KLHL1: variants seen among roughly 807,000 people sequenced by gnomAD.
The protein encoded by KLHL1 is kelch like family member 1, also known as kelch-like protein 1.
Under a neutral mutation model 77.7 loss-of-function variants are expected in KLHL1, and 47 were observed. That is an observed-to-expected ratio of 0.60 (90% CI 0.48 to 0.77). The LOEUF (loss-of-function observed/expected upper bound fraction) is 0.77, where lower values mean the gene tolerates loss of function less well. KLHL1 is among the 30% of genes least tolerant of loss of function. The probability of loss-of-function intolerance (pLI) is 0.00; values close to 1 mark genes in which losing one functional copy is unlikely to be tolerated. For missense variants in KLHL1, 925 were observed against 910.8 expected (o/e 1.02, Z -0.20); for synonymous variants, 360 against 325.2 (o/e 1.11, Z -1.15).
intron 7 of KLHL1, among the ~76,000 whole-genome samples, chr13:69,752,975 C>T (rs566186642): frequency 6.6e-6 from 1 of 152,258 alleles, no homozygotes; most frequent in South Asian, 2.1e-4. Flanking sequence ...CTAATGCAGG[C>T]CCATTCTTTT....
At chr13:69,949,880 T>C (rs968475523) in intron 3 of KLHL1, among the ~76,000 whole-genome samples, 2 of 151,822 alleles carry the variant, frequency 1.3e-5, no homozygotes, top group Non-Finnish European at 2.9e-5. Flanking sequence ...GTCAAAATTA[T>C]TCCTTATTGC....
At chr13:70,060,851 G>GAA (rs111883192) in intron 1 of KLHL1, among the ~76,000 whole-genome samples, 88 of 149,366 alleles carry the variant, frequency 5.9e-4, no homozygotes, top group East Asian at 4.4e-3. Flanking sequence ...CGTCTCAAAA[G>GAA]AAAAAAAAAA....
intron 3 of KLHL1, among the ~76,000 whole-genome samples, chr13:69,941,687 GAA>G: frequency 6.6e-6 from 1 of 152,050 alleles, no homozygotes; most frequent in Admixed American, 6.6e-5. Flanking sequence ...CTGGTTCTTT[GAA>G]AAGATAAACA....
At chr13:69,741,325 T>C (rs1014016671) in intron 7 of KLHL1, among the ~76,000 whole-genome samples, 3 of 152,154 alleles carry the variant, frequency 2.0e-5, no homozygotes, top group Admixed American at 1.3e-4. Context: ...ATGTGCTCTT[T>C]AGCTGTACAG....
At chr13:69,896,088 T>C (rs922745451) in intron 4 of KLHL1, among the ~76,000 whole-genome samples, 3 of 152,262 alleles carry the variant, frequency 2.0e-5, no homozygotes, top group Admixed American at 6.5e-5. Flanking sequence ...GTCCCCTTTT[T>C]CTTGGTGGCC....
chr13:69,933,332 G>C (rs1883068004), intron 4 of KLHL1, among the ~76,000 whole-genome samples: 2 of 152,070 alleles, frequency 1.3e-5, no homozygotes, highest in Admixed American at 1.3e-4. Context: ...TGTAGGTGAA[G>C]TAAACTTTAT....
At chr13:69,968,505 C>G (rs981037045) in intron 2 of KLHL1, among the ~76,000 whole-genome samples, 2 of 147,192 alleles carry the variant, frequency 1.4e-5, no homozygotes, top group African/African-American at 2.5e-5. Flanking sequence ...AAAAAAAAAT[C>G]AAACCTATGA....
chr13:69,892,140 G>A (rs369788427), intron 4 of KLHL1, among the ~76,000 whole-genome samples: 19 of 152,168 alleles, frequency 1.2e-4, no homozygotes, highest in African/African-American at 4.1e-4. Flanking sequence ...ATCGGTATTT[G>A]CCAATATTCT....
chr13:70,055,823 AC>A (rs1235127057), intron 1 of KLHL1, among the ~76,000 whole-genome samples: 9 of 152,086 alleles, frequency 5.9e-5, no homozygotes. Context: ...CCGCAAGTGC[AC>A]AAAAAAATAA....
At chr13:69,990,780 C>G (rs1473587104) in intron 1 of KLHL1, among the ~76,000 whole-genome samples, 1 of 151,878 alleles carries the variant, frequency 6.6e-6, no homozygotes, top group African/African-American at 2.4e-5. Context: ...GATTCAGGAC[C>G]TGAACTCAAC....
chr13:69,786,387 CG>C (rs1876550756), intron 7 of KLHL1, among the ~76,000 whole-genome samples: 1 of 152,096 alleles, frequency 6.6e-6, no homozygotes, highest in African/African-American at 2.4e-5. Context: ...AGCATATAAA[CG>C]GAACCAAAGA....
At chr13:70,079,324 A>G (rs139949007) in intron 1 of KLHL1, among the ~76,000 whole-genome samples, 3 of 152,100 alleles carry the variant, frequency 2.0e-5, no homozygotes, top group Admixed American at 6.5e-5. Context: ...GCATTTACCA[A>G]TTGTTACAGT....
chr13:69,778,147 T>A (rs1875930437), intron 7 of KLHL1, among the ~76,000 whole-genome samples: 1 of 152,142 alleles, frequency 6.6e-6, no homozygotes, highest in Admixed American at 6.5e-5. Context: ...ATGAGGTTGC[T>A]ATAAAATTTG....
chr13:69,781,190 T>C (rs554978731), intron 7 of KLHL1, among the ~76,000 whole-genome samples: 1 of 152,160 alleles, frequency 6.6e-6, no homozygotes, highest in East Asian at 1.9e-4. Flanking sequence ...TCTGTGAATG[T>C]ACAACAGTTT....
chr13:70,044,095 T>C (rs546142627), intron 1 of KLHL1, among the ~76,000 whole-genome samples: 3 of 152,320 alleles, frequency 2.0e-5, no homozygotes, highest in African/African-American at 7.2e-5. Context: ...TAATTTGTTA[T>C]TATGATCCAT....
chr13:69,725,305 T>A (rs1193751448), intron 8 of KLHL1, among the ~76,000 whole-genome samples: 2 of 152,136 alleles, frequency 1.3e-5, no homozygotes, highest in Non-Finnish European at 2.9e-5. Flanking sequence ...TTAACCCTCA[T>A]GTCTTGATGT....
chr13:69,783,495 C>G (rs1876341928), intron 7 of KLHL1, among the ~76,000 whole-genome samples: 2 of 152,034 alleles, frequency 1.3e-5, no homozygotes. Flanking sequence ...GCTGATGGAG[C>G]TGAAAGCCAA....
chr13:69,795,431 G>A (rs1424317), intron 7 of KLHL1, among the ~76,000 whole-genome samples: 1 of 152,070 alleles, frequency 6.6e-6, no homozygotes, highest in Non-Finnish European at 1.5e-5. Flanking sequence ...TGTCTAACAT[G>A]TATGTTCTAA....
intron 4 of KLHL1, chr13:69,894,021 C>T (rs1473399133): frequency 2.0e-5 from 3 of 152,470 alleles, no homozygotes; most frequent in African/African-American, 7.2e-5. Context: ...CCCCCAGCCT[C>T]ACTTGGGGGT....
Sources: gnomAD v4.1 joint callset for allele counts (sites outside exome capture counted in the v4.1 genomes callset) on GRCh38, gnomAD v4.1.1 for gene constraint, MANE v1.5 for transcripts, NCBI Gene and HGNC (gene_info 2026-07-23, HGNC 2026-07-21) for gene names.